The following EP400 variants were observed in gnomAD, a reference collection of about 807,000 sequenced individuals.
The protein encoded by EP400 is E1A-binding protein p400.
Under a neutral mutation model 354.1 loss-of-function variants are expected in EP400, and 105 were observed. That is an observed-to-expected ratio of 0.30 (90% CI 0.25 to 0.35). The LOEUF (loss-of-function observed/expected upper bound fraction) is 0.35, where lower values mean the gene tolerates loss of function less well. Ranked by LOEUF, EP400 falls within the 10% of genes least tolerant of loss-of-function variation. The pLI, the probability that EP400 is intolerant of heterozygous loss-of-function variation, is 1.00. For synonymous variants in EP400, 1,646 were observed against 1,716.9 expected (o/e 0.96, Z 1.02); for missense variants, 3,280 against 4,121.0 (o/e 0.80, Z 5.59).
chr12:132,032,145 T>C lies in EP400; in HGVS notation c.5947T>C (p.Tyr1983His), dbSNP rs1894532271. Reference protein sequence around the residue: ...RIGRCKDIHIYRLVSGNSIEE... With the variant: ...RIGRCKDIHIHRLVSGNSIEE... ...CGGGAGATGCAAAGACATCCACATATACAGGTGAGGGCCTGCGGGGGATAG... is the reference window on the plus strand; with the variant it reads ...CGGGAGATGCAAAGACATCCACATACACAGGTGAGGGCCTGCGGGGGATAG... Residue 1983 changes from tyrosine (Y) to histidine (H), a missense_variant, in exon 30 of 53, where the codon TAC (tyrosine) becomes CAC (histidine). By Grantham distance (83) the Tyr-to-His change is moderately conservative. Coordinates refer to ENST00000389561, the MANE Select transcript of EP400 (RefSeq NM_015409.5). 1 of 1,612,392 alleles carries C rather than the reference T, an allele frequency of 6.2e-7. No individual in the cohort carries two copies.
chr12:132,028,910 C>T (rs1439261840), intron 27 of EP400: 1 of 152,980 alleles, frequency 6.5e-6, no homozygotes, highest in Non-Finnish European at 1.5e-5. Context: ...TCTTCCTGTG[C>T]CTTGGCTCAG....
At position 132,012,948 on chromosome 12, in the gene EP400, C is replaced by T. The variant is rs946719653; in HGVS notation, c.3442-61C>T. On this transcript the variant is annotated intron_variant, in intron 16 of 52. Transcript: ENST00000389561. ...GCAAGCTTTGGGAAGTGTGTGTCCT[C>T]AAGGTGATTTTGAAAGACAGTGGAG... 4.5e-5 allele frequency: 67 copies of T among 1,494,274 alleles called. No individual in the cohort carries two copies. The South Asian group carries it at 7.4e-4, about 17-fold the overall frequency. 92.6% of individuals were successfully genotyped at this position (1,494,274 alleles called of 1,614,324 possible). A position where few individuals can be genotyped will look rare whatever the true frequency, so the allele number is the denominator to read the frequency against.
At chr12:132,004,866 G>C (rs1182327916) in intron 12 of EP400, among the ~76,000 whole-genome samples, 1 of 152,068 alleles carries the variant, frequency 6.6e-6, no homozygotes, top group Non-Finnish European at 1.5e-5. Flanking sequence ...TATCAGTAAT[G>C]GGCAACCATT....
At position 132,054,708 on chromosome 12, in the gene EP400, AGTGGAGGGACAGTGGGGTGAGG is replaced by A. The variant is rs1895423072; in HGVS notation, c.7729-249_7729-228del. Among the ~76,000 whole-genome samples the A allele has an allele frequency of 6.7e-6, 1 of 149,832 alleles. No homozygotes were observed. The highest frequency in any genetic ancestry group is 2.1e-4 in the South Asian group (1 of 4,682). ...GATGAATGGAGTGGAGGGACGGAGG[AGTGGAGGGACAGTGGGGTGAGG>A]GTGGAGGGACAGTGGGATGGAGGGT... On this transcript the variant is annotated intron_variant, in intron 43 of 52. Transcript: ENST00000389561. The surrounding 1 kb of genome is among the most constrained non-coding windows in gnomAD (Gnocchi z 4.0).
chr12:132,018,223 C>T lies in EP400; in HGVS notation c.4124C>T (p.Ser1375Phe). The T allele has an allele frequency of 6.2e-7, 1 of 1,610,818 alleles. No individual in the cohort carries two copies. Among genetic ancestry groups the T allele is most frequent in the South Asian group, 1.1e-5 (1 of 90,426 alleles). Residue 1375 changes from serine (S) to phenylalanine (F), a missense_variant, in exon 21 of 53, where the codon TCT (serine) becomes TTT (phenylalanine). Coordinates refer to ENST00000389561, the MANE Select transcript of EP400 (RefSeq NM_015409.5). This position sits in a 1 kb window ranked among gnomAD's most constrained non-coding sequence, Gnocchi z 4.0. ...ERDFWKEADL[S>F]MFDLIGLENK... ...TTTTCTCTCTAGGAAGCAGATCTTT[C>T]TATGTTTGATCTCATCGGCTTAGAA... is the stretch of plus-strand genomic sequence containing the variant.
chr12:131,952,408 A>G (rs1242146529), intron 1 of EP400, among the ~76,000 whole-genome samples: 3 of 152,016 alleles, frequency 2.0e-5, no homozygotes, highest in Non-Finnish European at 2.9e-5. Context: ...CGGCCTCCCA[A>G]AGTGCTGGGA....
At chr12:131,969,626 A>T (rs547569310) in intron 2 of EP400, among the ~76,000 whole-genome samples, 2 of 151,384 alleles carry the variant, frequency 1.3e-5, no homozygotes, top group East Asian at 3.9e-4. Flanking sequence ...TGCACCTTGT[A>T]TATATATATA....
intron 13 of EP400, among the ~76,000 whole-genome samples, chr12:132,005,706 G>A (rs1893558361): frequency 1.3e-5 from 2 of 152,060 alleles, no homozygotes. Flanking sequence ...AAGGAGTGGC[G>A]GGTTTGGTCT....
intron 50 of EP400, 56 bp from the exon 51 acceptor site, chr12:132,069,439 G>C: frequency 6.3e-7 from 1 of 1,588,538 alleles, no homozygotes; most frequent in Non-Finnish European, 8.6e-7. Flanking sequence ...CAGGCGTCCC[G>C]GGAGTCTTGA....
At chr12:131,960,546 T>C in intron 1 of EP400, 39 bp from the exon 2 acceptor site, 1 of 1,492,114 alleles carries the variant, frequency 6.7e-7, no homozygotes, top group Non-Finnish European at 9.0e-7. Context: ...AACAGTTATG[T>C]GTGCCTTCAA....
At chr12:132,000,128 A>G (rs1041141055) in intron 12 of EP400, among the ~76,000 whole-genome samples, 4 of 151,874 alleles carry the variant, frequency 2.6e-5, no homozygotes, top group African/African-American at 9.7e-5. Context: ...ATAAACATTT[A>G]AGGGTCTGAA....
In EP400 at chr12:132,044,267, G is replaced by A. The variant is rs772182252; in HGVS notation, c.6541G>A (p.Glu2181Lys). Residue 2181 changes from glutamate to lysine, a missense_variant, in exon 35 of 53, where the codon GAG becomes AAG. Coordinates refer to ENST00000389561, the MANE Select transcript of EP400 (RefSeq NM_015409.5). ...GGCCCGGCTGCGGCTGGAGCAGGAG[G>A]AGGCGGAGCTCCTGACCTACACGCG... ...REARLRLEQEEAELLTYTRED... is the reference protein window; with the variant it reads ...REARLRLEQEKAELLTYTRED... 1.9e-6 allele frequency: 3 copies of A among 1,614,094 alleles called. No homozygotes were observed. Among genetic ancestry groups the A allele is most frequent in the South Asian group, 1.1e-5 (1 of 91,082 alleles).
At chr12:132,069,749 G>A (rs1181615630) in intron 51 of EP400, 108 bp downstream of exon 51, 1 of 1,483,344 alleles carries the variant, frequency 6.7e-7, no homozygotes, top group Non-Finnish European at 9.1e-7. Context: ...GCTGCACTGG[G>A]TGGTGCACTG....
intron 5 of EP400, among the ~76,000 whole-genome samples, chr12:131,982,983 AAATAAT>A (rs1204867799): frequency 6.7e-6 from 1 of 149,650 alleles, no homozygotes; most frequent in Non-Finnish European, 1.5e-5. Context: ...AAAAAAAAAA[AAATAAT>A]AATAATAATA....
intron 12 of EP400, among the ~76,000 whole-genome samples, chr12:131,996,221 GC>G (rs1169800042): frequency 3.8e-4 from 58 of 152,154 alleles, no homozygotes; most frequent in Non-Finnish European, 3.2e-4. Flanking sequence ...TGAGTGGCTT[GC>G]CTGTGCTCAG....
At chr12:132,007,744 C>T (rs1893631803) in intron 15 of EP400, among the ~76,000 whole-genome samples, 1 of 152,164 alleles carries the variant, frequency 6.6e-6, no homozygotes. Flanking sequence ...GGGGATTTGG[C>T]CTTGTCTTTA....
intron 19 of EP400, among the ~76,000 whole-genome samples, chr12:132,014,905 C>T (rs988376940): frequency 6.6e-6 from 1 of 152,162 alleles, no homozygotes; most frequent in Non-Finnish European, 1.5e-5. Context: ...TGAGGCCATG[C>T]TAGCCACACC....
At position 132,029,936 on chromosome 12, in the gene EP400, G is replaced by A. The variant is rs370064544; in HGVS notation, c.5584+33G>A. The A allele has an allele frequency of 3.1e-4, 495 of 1,611,476 alleles. No homozygotes were observed. Among genetic ancestry groups the A allele is most frequent in the Admixed American group, 4.7e-4 (28 of 60,002 alleles). On this transcript the variant is annotated intron_variant, in intron 28 of 52. Transcript: ENST00000389561. The surrounding 1 kb of genome is among the most constrained non-coding windows in gnomAD (Gnocchi z 4.7). The stretch of plus-strand genomic sequence containing the variant: ...GCAGTTGGGGGCGTGGCCCGTGCGG[G>A]AGCTGCACCGGCCCTGGATGATGAG...
rs1229961889 is a variant in EP400 at position 132,005,131 on chromosome 12, G to T, written c.2882G>T (p.Ser961Ile). Reference protein sequence around the residue: ...MKLYEGAFLPSSQWPRPKPDG... With the variant: ...MKLYEGAFLPISQWPRPKPDG... ...CTGTACGAAGGCGCCTTCCTGCCGAGTTCTCAGTGGCCCCGGCCGAAGCCT... is the reference window on the plus strand; with the variant it reads ...CTGTACGAAGGCGCCTTCCTGCCGATTTCTCAGTGGCCCCGGCCGAAGCCT... Residue 961 changes from serine to isoleucine, a missense_variant, in exon 13 of 53, where the codon AGT (serine) becomes ATT (isoleucine). Physicochemically the swap from Ser to Ile is moderately radical, Grantham distance 142. Transcript: ENST00000389561. 1 of 1,589,996 alleles carries T rather than the reference G, an allele frequency of 6.3e-7. No individual in the cohort carries two copies. The highest frequency in any genetic ancestry group is 8.6e-7 in the Non-Finnish European group (1 of 1,168,384).
Sources: allele counts gnomAD v4.1 joint callset (sites outside exome capture counted in the v4.1 genomes callset), GRCh38; gene constraint gnomAD v4.1.1; non-coding constraint Gnocchi (gnomAD v3.1); transcripts MANE v1.5; gene names NCBI Gene and HGNC (gene_info 2026-07-23, HGNC 2026-07-21).